The following ITGAV variants were observed in gnomAD, a reference collection of about 807,000 sequenced individuals.
ITGAV encodes the protein integrin subunit alpha V.
In ITGAV, 76 loss-of-function variants were observed where a neutral mutation model predicts 143.8. The ratio of observed to expected loss-of-function variants is 0.53; its 90% CI spans 0.44 to 0.64. The LOEUF (loss-of-function observed/expected upper bound fraction) is 0.64. ITGAV is among the 30% of genes least tolerant of loss of function. ITGAV has a pLI of 0.00. For missense variants in ITGAV, 1,193 were observed against 1,274.7 expected (o/e 0.94, Z 0.98); for synonymous variants, 453 against 446.7 (o/e 1.01, Z -0.18).
At chr2:186,626,010 C>A (rs2105691114) in intron 4 of ITGAV, among the ~76,000 whole-genome samples, 1 of 152,126 alleles carries the variant, frequency 6.6e-6, no homozygotes, top group South Asian at 2.1e-4. Context: ...TGATAGATAC[C>A]AAAGTTTGAG....
At chr2:186,599,139 C>T (rs1322852446) in intron 1 of ITGAV, among the ~76,000 whole-genome samples, 5 of 152,168 alleles carry the variant, frequency 3.3e-5, no homozygotes, top group Non-Finnish European at 7.3e-5. Context: ...ATTTAAGTGA[C>T]TTAGTATTTA....
chr2:186,646,699 T>A lies in ITGAV; in HGVS notation c.1173T>A (p.Ala391=), dbSNP rs1367722072. 3.2e-6 allele frequency: 5 copies of A among 1,567,464 alleles called. No homozygotes were observed. Among genetic ancestry groups the A allele is most frequent in the Non-Finnish European group, 4.4e-6 (5 of 1,148,710 alleles). The change falls in exon 13 of 30, where the codon GCT becomes GCA. Residue 391 remains alanine (A), a synonymous_variant. Coordinates refer to ENST00000261023, the MANE Select transcript of ITGAV (RefSeq NM_002210.5). ...DQDGFNDIAI[A]APYGGEDKKG... ...TTTTCCCCACAGATATTGCAATTGC[T>A]GCTCCATATGGGGGTGAAGATAAAA... is the stretch of plus-strand genomic sequence containing the variant.
At chr2:186,639,465 G>A (rs1688043096) in intron 10 of ITGAV, among the ~76,000 whole-genome samples, 1 of 152,098 alleles carries the variant, frequency 6.6e-6, no homozygotes, top group Non-Finnish European at 1.5e-5. Flanking sequence ...GTTGCTGCAG[G>A]GGTGGTCCCT....
intron 1 of ITGAV, among the ~76,000 whole-genome samples, chr2:186,593,675 A>G (rs1686672670): frequency 6.6e-6 from 1 of 152,094 alleles, no homozygotes; most frequent in Non-Finnish European, 1.5e-5. Context: ...ATTTCATTCT[A>G]TAGCCCACAC....
chr2:186,638,231 AGT>A (rs1355032230), intron 8 of ITGAV, 44 bp from the exon 9 acceptor site: 1 of 1,563,318 alleles, frequency 6.4e-7, no homozygotes, highest in Middle Eastern at 1.7e-4. Flanking sequence ...TGCAACTTCC[AGT>A]GTTGTCCTAA....
chr2:186,603,769 A>T (rs1386411000), intron 2 of ITGAV, among the ~76,000 whole-genome samples: 1 of 152,212 alleles, frequency 6.6e-6, no homozygotes, highest in Non-Finnish European at 1.5e-5. Context: ...TTTATTGAAA[A>T]TAACATTTGC....
chr2:186,669,635 C>A, intron 25 of ITGAV, 66 bp from the exon 26 acceptor site: 1 of 1,096,428 alleles, frequency 9.1e-7, no homozygotes, highest in South Asian at 1.4e-5. Flanking sequence ...GAGTTTATAT[C>A]AAAATGCTGA....
chr2:186,590,401 G>T lies in ITGAV; in HGVS notation c.63G>T (p.Ser21=). 2 of 1,607,814 alleles carry T rather than the reference G, an allele frequency of 1.2e-6. No homozygotes were observed. Among genetic ancestry groups the T allele is most frequent in the Non-Finnish European group, 1.7e-6 (2 of 1,177,632 alleles). ...LGPRGLPLLL[S]GLLLPLCRAF... is the part of the protein sequence containing the mutation. Reference sequence around the variant, plus strand: ...CCCGCGGCCTCCCGCTTCTTCTCTCGGGACTCCTGCTACCTCTGTGCCGCG... The same window carrying T: ...CCCGCGGCCTCCCGCTTCTTCTCTCTGGACTCCTGCTACCTCTGTGCCGCG... The change falls in exon 1 of 30, where the codon TCG becomes TCT. Residue 21 remains serine (S), a synonymous_variant. Coordinates refer to ENST00000261023, the MANE Select transcript of ITGAV (RefSeq NM_002210.5).
chr2:186,647,752 G>A (rs1688302780), intron 13 of ITGAV, among the ~76,000 whole-genome samples: 3 of 152,126 alleles, frequency 2.0e-5, no homozygotes, highest in Non-Finnish European at 4.4e-5. Context: ...CATTATAAAT[G>A]GATCTAGGAT....
chr2:186,670,506 G>T (rs1242130322), intron 26 of ITGAV, among the ~76,000 whole-genome samples: 1 of 152,054 alleles, frequency 6.6e-6, no homozygotes, highest in Non-Finnish European at 1.5e-5. Flanking sequence ...TCACCATGTT[G>T]CCCAGGCTGG....
At chr2:186,640,123 T>G (rs1235171512) in intron 10 of ITGAV, among the ~76,000 whole-genome samples, 1 of 152,208 alleles carries the variant, frequency 6.6e-6, no homozygotes, top group African/African-American at 2.4e-5. Flanking sequence ...TTCACCTTAC[T>G]TTATATTTAA....
chr2:186,648,584 C>T (rs2105721780), intron 13 of ITGAV, among the ~76,000 whole-genome samples: 1 of 152,294 alleles, frequency 6.6e-6, no homozygotes, highest in Non-Finnish European at 1.5e-5. Flanking sequence ...CCTGCCTCAG[C>T]CTCCTGAGTA....
Position 186,637,101 on chromosome 2 carries a change from G to T in ITGAV, c.794G>T (p.Gly265Val). ...SVAVGDFNGD[G>V]IDDFVSGVPR... ...GCTGTCGGAGATTTCAATGGTGATG[G>T]CATAGATGGTATGAAGTACTTGAAC... The change falls in exon 8 of 30, where the codon GGC becomes GTC. Residue 265 changes from glycine to valine, a missense_variant. Transcript: ENST00000261023. The T allele has an allele frequency of 6.2e-7, 1 of 1,611,164 alleles. No individual in the cohort carries two copies. Among genetic ancestry groups the T allele is most frequent in the Non-Finnish European group, 8.5e-7 (1 of 1,177,372 alleles).
intron 2 of ITGAV, among the ~76,000 whole-genome samples, chr2:186,604,171 A>G (rs539702356): frequency 5.5e-4 from 83 of 152,092 alleles, no homozygotes; most frequent in African/African-American, 2.0e-3. Flanking sequence ...TGTGCCCAGC[A>G]TGAGGCAATT....
In ITGAV at chr2:186,676,751, C is replaced by T. The variant is rs573749484; in HGVS notation, c.2929-62C>T. ...ATTAAAATAAAATATAATATTTACTCAGATATTTGTTGATTAAGTCAATGG... is the reference window on the plus strand; with the variant it reads ...ATTAAAATAAAATATAATATTTACTTAGATATTTGTTGATTAAGTCAATGG... On this transcript the variant is annotated intron_variant, in intron 28 of 29. Transcript: ENST00000261023. 99 of 1,497,574 alleles carry T rather than the reference C, an allele frequency of 6.6e-5. No individual in the cohort carries two copies. The South Asian group carries it at 1.0e-3, about 15-fold the overall frequency. 92.8% of individuals were successfully genotyped at this position (1,497,574 alleles called of 1,614,324 possible).
chr2:186,646,875 C>T lies in ITGAV; in HGVS notation c.1349C>T (p.Pro450Leu), dbSNP rs771768690. 1.3e-6 allele frequency: 2 copies of T among 1,572,982 alleles called. No homozygotes were observed. Among genetic ancestry groups the T allele is most frequent in the Non-Finnish European group, 1.7e-6 (2 of 1,153,224 alleles). Residue 450 changes from proline (P) to leucine (L), a missense_variant and splice_region_variant, in exon 13 of 30, where the codon CCA becomes CTA. Coordinates refer to ENST00000261023, the MANE Select transcript of ITGAV (RefSeq NM_002210.5). ...ACAGATATAGACAAAAATGGATATCCAGGTGCTTTCTTATCAACACATAGA... is the reference window on the plus strand; with the variant it reads ...ACAGATATAGACAAAAATGGATATCTAGGTGCTTTCTTATCAACACATAGA... The part of the protein sequence containing the change: ...GATDIDKNGY[P>L]DLIVGAFGVD...
intron 2 of ITGAV, among the ~76,000 whole-genome samples, chr2:186,620,561 A>C (rs1359433709): frequency 6.6e-6 from 1 of 152,038 alleles, no homozygotes; most frequent in Non-Finnish European, 1.5e-5. Flanking sequence ...TCAGGAGGTC[A>C]AGACTAGCCT....
intron 17 of ITGAV, among the ~76,000 whole-genome samples, chr2:186,658,026 A>G (rs1688639183): frequency 6.6e-6 from 1 of 152,168 alleles, no homozygotes; most frequent in South Asian, 2.1e-4. Flanking sequence ...GGTCAAGGAT[A>G]GTACCAGAAG....
intron 26 of ITGAV, among the ~76,000 whole-genome samples, chr2:186,674,655 G>C (rs1246197285): frequency 1.3e-5 from 2 of 152,038 alleles, no homozygotes; most frequent in Admixed American, 6.5e-5. Flanking sequence ...GGGATTACAG[G>C]TGCCCACCAT....
Sources: gnomAD v4.1 joint callset for allele counts (sites outside exome capture counted in the v4.1 genomes callset) on GRCh38, gnomAD v4.1.1 for gene constraint, MANE v1.5 for transcripts, NCBI Gene and HGNC (gene_info 2026-07-23, HGNC 2026-07-21) for gene names.